Variants in FKBP15 observed in about 807,000 individuals in gnomAD.
FKBP15 encodes FKBP prolyl isomerase family member 15.
In FKBP15, 106 loss-of-function variants were observed where a neutral mutation model predicts 158.1. The observed-to-expected ratio is 0.67, with a 90% CI of 0.57 to 0.79. The LOEUF is 0.79. Ranked by LOEUF, FKBP15 falls within the 30% of genes least tolerant of loss-of-function variation. The pLI, the probability that FKBP15 is intolerant of heterozygous loss-of-function variation, is 0.00. For missense variants in FKBP15, 1,287 were observed against 1,479.1 expected (o/e 0.87, Z 2.13); for synonymous variants, 547 against 548.6 (o/e 1.00, Z 0.04).
intron 15 of FKBP15, 50 bp downstream of exon 15, chr9:113,186,199 G>A (rs1400772636): frequency 9.1e-6 from 12 of 1,321,712 alleles, no homozygotes; most frequent in Non-Finnish European, 5.3e-6. Context: ...CAAGAAGAGG[G>A]AAAGCACAGC....
At position 113,163,732 on chromosome 9, in the gene FKBP15, T is replaced by G. The variant is rs1218153558; in HGVS notation, c.*2346A>C. 3 of 152,488 alleles carry G rather than the reference T, an allele frequency of 2.0e-5. No homozygotes were observed. Among genetic ancestry groups the G allele is most frequent in the Non-Finnish European group, 2.9e-5 (2 of 68,044 alleles). The allele number at this position is 152,488 out of a possible 1,614,324, so 9.4% of individuals were successfully genotyped here. On this transcript the variant is annotated 3_prime_UTR_variant, in exon 28 of 28. Transcript: ENST00000238256. ...CAGGAAGAAGATGATCTGATGGCCG[T>G]GGGTGTCTGGGAAGCTCTTCGTGGC...
chr9:113,167,505 G>A (rs955550814), intron 27 of FKBP15, among the ~76,000 whole-genome samples: 12 of 152,080 alleles, frequency 7.9e-5, no homozygotes, highest in African/African-American at 2.7e-4. Flanking sequence ...AAAGACTCAT[G>A]GAAGGAACTG....
Position 113,163,095 on chromosome 9 carries a change from C to G in FKBP15, c.*2983G>C, listed in dbSNP as rs1320827701. 1.8e-6 allele frequency: 1 copy of G among 557,684 alleles called. No homozygotes were observed. Among genetic ancestry groups the G allele is most frequent in the Non-Finnish European group, 3.0e-6 (1 of 328,138 alleles). 34.5% of individuals were successfully genotyped at this position (557,684 alleles called of 1,614,324 possible). ...GGAGTTCGGAAGCCATTGCAGCAAC[C>G]TTCCTTCTCAGCCAGCCTACGTAGG... On this transcript the variant is annotated 3_prime_UTR_variant, in exon 28 of 28. Transcript: ENST00000238256.
At chr9:113,189,565 C>T (rs1830540537) in intron 12 of FKBP15, among the ~76,000 whole-genome samples, 1 of 151,920 alleles carries the variant, frequency 6.6e-6, no homozygotes, top group South Asian at 2.1e-4. Flanking sequence ...AATCCTATAA[C>T]AATAGGCCTC....
intron 27 of FKBP15, among the ~76,000 whole-genome samples, chr9:113,167,203 TC>T (rs1287665323): frequency 7.2e-5 from 11 of 152,308 alleles, no homozygotes; most frequent in African/African-American, 2.6e-4. Flanking sequence ...TATTTAATCT[TC>T]CTGAGCCTCA....
rs1830695399 is a variant in FKBP15, at chr9:113,196,863, T to C, written c.864+69A>G. The C allele has an allele frequency of 3.3e-6, 5 of 1,532,706 alleles. No individual in the cohort carries two copies. The East Asian group carries it at 7.0e-5, about 21-fold the overall frequency. 94.9% of individuals were successfully genotyped at this position (1,532,706 alleles called of 1,614,324 possible). ...TTTTCAAGTATCTTCATTTATTTAT[T>C]CATTTTGTGTAACTAGCAAAGAGAC... On this transcript the variant is annotated intron_variant, in intron 9 of 27. Coordinates refer to ENST00000238256, the MANE Select transcript of FKBP15 (RefSeq NM_015258.2).
At chr9:113,166,332 C>G (rs1467217438) in intron 27 of FKBP15, among the ~76,000 whole-genome samples, 177 bp from the exon 28 acceptor site, 3 of 152,214 alleles carry the variant, frequency 2.0e-5, no homozygotes, top group Admixed American at 2.0e-4. Context: ...CTGAGACCAG[C>G]AGGCAGAGAA....
intron 6 of FKBP15, among the ~76,000 whole-genome samples, chr9:113,201,944 G>A (rs1830799377): frequency 6.6e-6 from 1 of 152,038 alleles, no homozygotes; most frequent in South Asian, 2.1e-4. Context: ...TGTTAATAGT[G>A]GTTACTTTGA....
At chr9:113,172,938 T>G (rs1269911027) in intron 23 of FKBP15, among the ~76,000 whole-genome samples, 1 of 152,208 alleles carries the variant, frequency 6.6e-6, no homozygotes, top group Non-Finnish European at 1.5e-5. Context: ...CCTATCTCAG[T>G]GCCTTTGCCC....
At chr9:113,197,100 A>C (rs1180096937) in intron 8 of FKBP15, 22 bp from the exon 9 acceptor site, 1 of 1,606,896 alleles carries the variant, frequency 6.2e-7, no homozygotes, top group East Asian at 2.2e-5. Context: ...AGATAGGAAA[A>C]GCTCATCAAA....
At chr9:113,186,535 G>A (rs1227080950) in intron 14 of FKBP15, 172 bp from the exon 15 acceptor site, 1 of 587,098 alleles carries the variant, frequency 1.7e-6, no homozygotes, top group Non-Finnish European at 3.1e-6. Context: ...CAGCAGGAGA[G>A]TTATCTATGT....
chr9:113,206,283 C>A (rs887271549), intron 4 of FKBP15: 3 of 554,610 alleles, frequency 5.4e-6, no homozygotes, highest in Non-Finnish European at 9.6e-6. Context: ...AGGATCATAT[C>A]ACAAAGGTCA....
At chr9:113,177,787 C>A (rs540846653) in intron 20 of FKBP15, among the ~76,000 whole-genome samples, 20 of 152,340 alleles carry the variant, frequency 1.3e-4, no homozygotes, top group African/African-American at 4.8e-4. Flanking sequence ...AGTCCCATGT[C>A]TGCCTTCCAT....
intron 11 of FKBP15, among the ~76,000 whole-genome samples, chr9:113,191,756 G>C (rs997270164): frequency 1.7e-4 from 26 of 151,110 alleles, no homozygotes; most frequent in African/African-American, 5.8e-4. Flanking sequence ...ATTTCTACTT[G>C]TGTGCACCTG....
chr9:113,207,803 A>T (rs1830921276), intron 2 of FKBP15, among the ~76,000 whole-genome samples: 1 of 152,180 alleles, frequency 6.6e-6, no homozygotes, highest in Non-Finnish European at 1.5e-5. Context: ...TGCCTCACAC[A>T]ATTATACCAT....
intron 9 of FKBP15, among the ~76,000 whole-genome samples, chr9:113,196,249 A>G (rs1173811179): frequency 6.6e-6 from 1 of 152,190 alleles, no homozygotes; most frequent in Non-Finnish European, 1.5e-5. Flanking sequence ...CACACACACA[A>G]TCTTTGCATA....
chr9:113,169,609 A>C lies in FKBP15; in HGVS notation c.3100T>G (p.Ser1034Ala). The C allele has an allele frequency of 6.2e-7, 1 of 1,614,020 alleles. No individual in the cohort carries two copies. The highest frequency in any genetic ancestry group is 8.5e-7 in the Non-Finnish European group (1 of 1,179,880). The change falls in exon 26 of 28, where the codon TCC (serine) becomes GCC (alanine). Residue 1034 changes from serine to alanine, a missense_variant. Ser to Ala is a moderately conservative substitution (Grantham distance 99). Transcript: ENST00000238256. Reference protein sequence around the residue: ...SLPPELSCIPSHRVLGPPTSI... With the variant: ...SLPPELSCIPAHRVLGPPTSI... ...GTCGGGGGCCCTAGAACTCTGTGGGATGGGATGCAAGACAGTTCGGGTGGA... is the reference window on the plus strand; with the variant it reads ...GTCGGGGGCCCTAGAACTCTGTGGGCTGGGATGCAAGACAGTTCGGGTGGA...
intron 7 of FKBP15, 24 bp downstream of exon 7, chr9:113,199,789 GA>G: frequency 6.2e-7 from 1 of 1,603,346 alleles, no homozygotes; most frequent in Non-Finnish European, 8.5e-7. Context: ...GTTTACAAAA[GA>G]ACTTGCAGGG....
At chr9:113,216,083 GAA>G (rs71491081) in intron 1 of FKBP15, among the ~76,000 whole-genome samples, 9 of 85,958 alleles carry the variant, frequency 1.0e-4, no homozygotes, top group East Asian at 6.2e-4. Flanking sequence ...TTTATTTTGT[GAA>G]AAAAAAAAAA....
Sources: allele counts gnomAD v4.1 joint callset (sites outside exome capture counted in the v4.1 genomes callset), GRCh38; gene constraint gnomAD v4.1.1; transcripts MANE v1.5; gene names NCBI Gene and HGNC (gene_info 2026-07-23, HGNC 2026-07-21).